The following MED12L variants were observed in gnomAD, a reference collection of about 807,000 sequenced individuals.
MED12L encodes mediator complex subunit 12L, also known as mediator of RNA polymerase II transcription subunit 12-like protein.
Under a neutral mutation model 281.3 loss-of-function variants are expected in MED12L, and 60 were observed. The ratio of observed to expected loss-of-function variants is 0.21; its 90% CI spans 0.17 to 0.26. MED12L has a LOEUF of 0.26. MED12L is among the 10% of genes least tolerant of loss of function. MED12L has a pLI of 1.00. For synonymous variants in MED12L, 974 were observed against 987.2 expected, an observed-to-expected ratio of 0.99 and a Z score of 0.25; for missense variants, 2,146 against 2,680.9, an observed-to-expected ratio of 0.80 and a Z score of 4.41.
At chr3:151,246,491 G>A (rs1735513397) in intron 16 of MED12L, among the ~76,000 whole-genome samples, 1 of 152,050 alleles carries the variant, frequency 6.6e-6, no homozygotes. Context: ...TCTGATCTTT[G>A]ACAAACCTGA....
At chr3:151,414,619 C>T (rs1235415190) in intron 42 of MED12L, among the ~76,000 whole-genome samples, 4 of 152,084 alleles carry the variant, frequency 2.6e-5, no homozygotes, top group Admixed American at 1.3e-4. Context: ...AAAGCCAACA[C>T]ACCCTCTGGA....
chr3:151,257,083 G>T (rs10212582), intron 16 of MED12L, among the ~76,000 whole-genome samples: 74,393 of 151,848 alleles, frequency 0.49, 18,351 homozygotes, highest in Middle Eastern at 0.62. Flanking sequence ...AAATGGTGTA[G>T]TTTTAAAAAG....
intron 39 of MED12L, among the ~76,000 whole-genome samples, chr3:151,396,588 T>G (rs1715003751): frequency 6.6e-6 from 1 of 152,208 alleles, no homozygotes; most frequent in African/African-American, 2.4e-5. Flanking sequence ...ATCACGCCAC[T>G]GCACTCCAGC....
chr3:151,088,793 T>C (rs1560033104), intron 2 of MED12L, among the ~76,000 whole-genome samples: 1 of 152,198 alleles, frequency 6.6e-6, no homozygotes, highest in African/African-American at 2.4e-5. Flanking sequence ...CCAAGGTGTA[T>C]AGGTGAATAA....
intron 5 of MED12L, among the ~76,000 whole-genome samples, chr3:151,142,704 G>A (rs989813286): frequency 6.6e-6 from 1 of 152,024 alleles, no homozygotes; most frequent in Non-Finnish European, 1.5e-5. Flanking sequence ...TGCATACAGT[G>A]GCCTTGTTTT....
rs1014976870 is a variant in MED12L, at chr3:151,265,581, T to G, written c.2250+71915T>G. ...GATTTTCAGTTATATTCAGGGTTTC[T>G]CTCTAAGAAAATAGGCAGTATACAG... is the stretch of plus-strand genomic sequence containing the variant. On this transcript the variant is annotated intron_variant, in intron 16 of 44. Coordinates refer to ENST00000687756, the MANE Select transcript of MED12L (RefSeq NM_001393769.1). Among the ~76,000 whole-genome samples the G allele has an allele frequency of 2.0e-5, 3 of 152,174 alleles. No individual in the cohort carries two copies. In the South Asian group the frequency reaches 6.2e-4, roughly 32 times the overall value.
chr3:151,188,128 C>T (rs933716625), intron 12 of MED12L: 4 of 314,972 alleles, frequency 1.3e-5, no homozygotes, highest in African/African-American at 4.3e-5. Context: ...TGAACGCGCC[C>T]GATCTCGTCT....
intron 16 of MED12L, among the ~76,000 whole-genome samples, chr3:151,251,902 C>A (rs1736927965): frequency 6.6e-6 from 1 of 152,140 alleles, no homozygotes; most frequent in Non-Finnish European, 1.5e-5. Flanking sequence ...CATGGAATCA[C>A]CTTAAAAATT....
intron 2 of MED12L, among the ~76,000 whole-genome samples, chr3:151,106,413 GTCC>G (rs1722077416): frequency 1.4e-5 from 2 of 139,104 alleles, no homozygotes; most frequent in Admixed American, 1.6e-4. Flanking sequence ...GTCTCAAGCA[GTCC>G]TCCTGCCTCA....
At chr3:151,332,045 A>C (rs1201325785) in intron 16 of MED12L, among the ~76,000 whole-genome samples, 1 of 152,224 alleles carries the variant, frequency 6.6e-6, no homozygotes, top group Non-Finnish European at 1.5e-5. Context: ...GGAAACAATC[A>C]GCCACAATGT....
chr3:151,281,792 G>C (rs73023058), intron 16 of MED12L, among the ~76,000 whole-genome samples: 6,624 of 152,182 alleles, frequency 0.044, 472 homozygotes, highest in African/African-American at 0.15. Context: ...ATACCATTTA[G>C]AGACAGGACT....
chr3:151,153,933 T>G (rs1718921803), intron 5 of MED12L, among the ~76,000 whole-genome samples: 2 of 152,066 alleles, frequency 1.3e-5, no homozygotes, highest in African/African-American at 4.8e-5. Flanking sequence ...TAGAAACTGA[T>G]GGGTTGGGGC....
chr3:151,148,751 G>C (rs1028007920), intron 5 of MED12L, among the ~76,000 whole-genome samples: 1 of 152,188 alleles, frequency 6.6e-6, no homozygotes, highest in Non-Finnish European at 1.5e-5. Context: ...CACTGGCTTT[G>C]ATGATGGAAA....
At chr3:151,159,615 A>G (rs974452625) in intron 7 of MED12L, among the ~76,000 whole-genome samples, 2 of 152,246 alleles carry the variant, frequency 1.3e-5, no homozygotes, top group African/African-American at 4.8e-5. Flanking sequence ...AATAAAATAC[A>G]TTATTCTAAT....
At chr3:151,267,907 T>C (rs1326535448) in intron 16 of MED12L, among the ~76,000 whole-genome samples, 1 of 152,212 alleles carries the variant, frequency 6.6e-6, no homozygotes, top group Admixed American at 6.5e-5. Context: ...TCTTTGTACG[T>C]AGAGTATTTT....
chr3:151,422,976 CA>C (rs1718443725), intron 43 of MED12L, among the ~76,000 whole-genome samples: 2 of 144,620 alleles, frequency 1.4e-5, no homozygotes, highest in South Asian at 4.3e-4. Flanking sequence ...AGCTTTTGCA[CA>C]AGTCCCTTCT....
chr3:151,238,102 T>G (rs549083819), intron 16 of MED12L, among the ~76,000 whole-genome samples: 3 of 152,182 alleles, frequency 2.0e-5, no homozygotes, highest in African/African-American at 7.2e-5. Flanking sequence ...TTAAAACTTT[T>G]CTGTCCTAAA....
chr3:151,355,945 C>G lies in MED12L; in HGVS notation c.2567C>G (p.Ser856Cys), dbSNP rs1320248852. The G allele has an allele frequency of 6.2e-7, 1 of 1,614,032 alleles. No individual in the cohort carries two copies. The highest frequency in any genetic ancestry group is 8.5e-7 in the Non-Finnish European group (1 of 1,179,984). ...ATCACAAGCTTTGCGTCAGGAACAT[C>G]CTATCATCTCCCTTTGGCTCACCAC... is the stretch of plus-strand genomic sequence containing the variant. ...EQITSFASGT[S>C]YHLPLAHHIQ... Residue 856 changes from serine to cysteine, a missense_variant, in exon 19 of 45, where the codon TCC (serine) becomes TGC (cysteine). Ser to Cys is a moderately radical substitution (Grantham distance 112). Around this residue, in one of 9 missense-constraint regions of MED12L, gnomAD observed 404 missense variants for 603.5 expected, o/e 0.67. Coordinates refer to ENST00000687756, the MANE Select transcript of MED12L (RefSeq NM_001393769.1).
At chr3:151,097,890 T>C (rs903446864) in intron 2 of MED12L, among the ~76,000 whole-genome samples, 2 of 152,232 alleles carry the variant, frequency 1.3e-5, no homozygotes, top group African/African-American at 4.8e-5. Flanking sequence ...GTTTCAGATA[T>C]TCTTTAAGAG....
Sources: allele counts gnomAD v4.1 joint callset (sites outside exome capture counted in the v4.1 genomes callset), GRCh38; gene constraint gnomAD v4.1.1; regional missense constraint gnomAD v4.1.1; transcripts MANE v1.5; gene names NCBI Gene and HGNC (gene_info 2026-07-23, HGNC 2026-07-21).